CPNE8: variants seen among roughly 807,000 people sequenced by gnomAD.
The protein encoded by CPNE8 is copine-8.
Under a neutral mutation model 81.5 loss-of-function variants are expected in CPNE8, and 45 were observed. That is an observed-to-expected ratio of 0.55 (90% CI 0.44 to 0.71). The LOEUF is 0.71. Among genes scored for constraint, CPNE8 ranks in the 30% least tolerant of loss-of-function variants. The pLI is 0.00. For synonymous variants in CPNE8, 252 were observed against 226.3 expected (o/e 1.11, Z -1.02); for missense variants, 594 against 672.1 (o/e 0.88, Z 1.28).
intron 16 of CPNE8, among the ~76,000 whole-genome samples, chr12:38,679,406 GTTTGT>G (rs1245658903): frequency 9.2e-5 from 14 of 151,942 alleles, no homozygotes; most frequent in Admixed American, 7.9e-4. Context: ...TTTCGCTGAA[GTTTGT>G]TTTATCTTAA....
At chr12:38,700,284 G>A (rs1417827470) in intron 14 of CPNE8, among the ~76,000 whole-genome samples, 1 of 135,158 alleles carries the variant, frequency 7.4e-6, no homozygotes, top group Admixed American at 8.4e-5. Context: ...TGTCACCCAA[G>A]CTGGAGTGCA....
chr12:38,678,117 A>G (rs1237698875), intron 16 of CPNE8, among the ~76,000 whole-genome samples: 2 of 152,056 alleles, frequency 1.3e-5, no homozygotes, highest in Non-Finnish European at 1.5e-5. Context: ...ATGTCATTGA[A>G]TGGTATACGT....
In CPNE8 at chr12:38,829,333, A is replaced by C. The variant is rs538427360; in HGVS notation, c.407+46T>G. ...ACCAATTCCAAACTGACAAAATAGA[A>C]ACTGTTAAAGTTGGCATTTCATTGT... On this transcript the variant is annotated intron_variant, in intron 6 of 19. Coordinates refer to ENST00000331366, the MANE Select transcript of CPNE8 (RefSeq NM_153634.3). 441 of 1,313,402 alleles carry C rather than the reference A, an allele frequency of 3.4e-4. 4 individuals carry two copies. The South Asian group carries it at 4.9e-3, about 15-fold the overall frequency. The allele number at this position is 1,313,402 out of a possible 1,614,324, so 81.4% of individuals were successfully genotyped here.
At chr12:38,834,864 A>G (rs951255322) in intron 5 of CPNE8, among the ~76,000 whole-genome samples, 2 of 151,162 alleles carry the variant, frequency 1.3e-5, no homozygotes, top group African/African-American at 4.9e-5. Context: ...ACTTTCTGTC[A>G]CACCAACATT....
chr12:38,871,739 T>C (rs1020268970), intron 3 of CPNE8, among the ~76,000 whole-genome samples: 23 of 152,306 alleles, frequency 1.5e-4, no homozygotes, highest in African/African-American at 5.5e-4. Flanking sequence ...GTTTCATATT[T>C]TGGCTGGTAG....
At position 38,725,473 on chromosome 12, in the gene CPNE8, T is replaced by C. The variant is rs1940673748; in HGVS notation, c.799-574A>G. On this transcript the variant is annotated intron_variant, in intron 11 of 19. Transcript: ENST00000331366. Reference sequence around the variant, plus strand: ...TGCACCTCTATATTTCATAAGATATTAGGGGATATAGGGAATATTAAGATA... The same window carrying C: ...TGCACCTCTATATTTCATAAGATATCAGGGGATATAGGGAATATTAAGATA... 2.0e-5 allele frequency among the ~76,000 whole-genome samples: 3 copies of C among 152,146 alleles called. No homozygotes were observed. In the South Asian group the frequency reaches 6.2e-4, roughly 32 times the overall value.
At chr12:38,862,453 C>G (rs1943851704) in intron 3 of CPNE8, among the ~76,000 whole-genome samples, 1 of 152,020 alleles carries the variant, frequency 6.6e-6, no homozygotes, top group South Asian at 2.1e-4. Context: ...GGGAAAAAAT[C>G]CTTTATACTA....
chr12:38,887,913 C>A (rs1486878758), intron 1 of CPNE8, among the ~76,000 whole-genome samples: 1 of 152,202 alleles, frequency 6.6e-6, no homozygotes, highest in East Asian at 1.9e-4. Flanking sequence ...GCAGTAACCA[C>A]ATTTCAGCTC....
chr12:38,701,973 T>C (rs534192840), intron 14 of CPNE8, among the ~76,000 whole-genome samples: 1 of 152,320 alleles, frequency 6.6e-6, no homozygotes, highest in Non-Finnish European at 1.5e-5. Flanking sequence ...AGTAAAAATA[T>C]TTCCTGGATC....
At chr12:38,831,018 A>C (rs904453629) in intron 5 of CPNE8, among the ~76,000 whole-genome samples, 2 of 152,200 alleles carry the variant, frequency 1.3e-5, no homozygotes, top group African/African-American at 2.4e-5. Context: ...GGGGGTGAGA[A>C]GTGCCCTAAT....
In CPNE8 at chr12:38,724,826, T is replaced by A. The variant is rs761161347; in HGVS notation, c.852+20A>T. 3 of 1,373,846 alleles carry A rather than the reference T, an allele frequency of 2.2e-6. No homozygotes were observed. The Admixed American group carries it at 5.4e-5, about 25-fold the overall frequency. The allele number at this position is 1,373,846 out of a possible 1,614,324, so 85.1% of individuals were successfully genotyped here. A position where few individuals can be genotyped will look rare whatever the true frequency, so the allele number is the denominator to read the frequency against. ...TTCATTTATTTTAATCTTTAATAAA[T>A]AACATAAAATTTGACTTACTGTTCC... On this transcript the variant is annotated intron_variant, in intron 12 of 19. Coordinates refer to ENST00000331366, the MANE Select transcript of CPNE8 (RefSeq NM_153634.3).
intron 6 of CPNE8, among the ~76,000 whole-genome samples, chr12:38,787,646 T>A (rs1942226354): frequency 6.6e-6 from 1 of 151,128 alleles, no homozygotes; most frequent in African/African-American, 2.4e-5. Flanking sequence ...ATACAAAAGC[T>A]CAATGAAACA....
chr12:38,716,045 G>T (rs190037277), intron 13 of CPNE8, among the ~76,000 whole-genome samples: 59 of 151,854 alleles, frequency 3.9e-4, no homozygotes, highest in Non-Finnish European at 7.4e-4. Context: ...TTTTACAACA[G>T]CTGCAAAAAA....
At chr12:38,798,700 A>T (rs1159050680) in intron 6 of CPNE8, among the ~76,000 whole-genome samples, 1 of 152,158 alleles carries the variant, frequency 6.6e-6, no homozygotes, top group Non-Finnish European at 1.5e-5. Context: ...ACATAACAAT[A>T]TTAACTTTAA....
intron 11 of CPNE8, among the ~76,000 whole-genome samples, chr12:38,728,504 AT>A (rs1053367059): frequency 6.6e-6 from 1 of 152,152 alleles, no homozygotes; most frequent in Non-Finnish European, 1.5e-5. Context: ...ATAATCAGTA[AT>A]TTTGAAGATT....
In CPNE8 at chr12:38,730,405, G is replaced by T. The variant is rs200828820; in HGVS notation, c.723-47C>A. 252 of 1,081,734 alleles carry T rather than the reference G, an allele frequency of 2.3e-4. 2 individuals are homozygous for T. The African/African-American group carries it at 3.3e-3, about 14-fold the overall frequency. 67.0% of individuals were successfully genotyped at this position (1,081,734 alleles called of 1,614,324 possible). A position where few individuals can be genotyped will look rare whatever the true frequency, so the allele number is the denominator to read the frequency against. Reference sequence around the variant, plus strand: ...ACATAATATTGGCTTTCATATATTTGTCAACTGTATTTTAAAGTTTTTAGA... The same window carrying T: ...ACATAATATTGGCTTTCATATATTTTTCAACTGTATTTTAAAGTTTTTAGA... On this transcript the variant is annotated intron_variant, in intron 10 of 19. Coordinates refer to ENST00000331366, the MANE Select transcript of CPNE8 (RefSeq NM_153634.3).
At chr12:38,830,620 C>G (rs1943270436) in intron 5 of CPNE8, among the ~76,000 whole-genome samples, 1 of 152,070 alleles carries the variant, frequency 6.6e-6, no homozygotes, top group African/African-American at 2.4e-5. Flanking sequence ...TGAACACGAC[C>G]AAGAAAATTC....
chr12:38,665,521 T>C (rs1939043213), intron 19 of CPNE8, among the ~76,000 whole-genome samples: 1 of 152,178 alleles, frequency 6.6e-6, no homozygotes, highest in Non-Finnish European at 1.5e-5. Context: ...TGAATTCATT[T>C]GGGCAAATGG....
intron 10 of CPNE8, among the ~76,000 whole-genome samples, chr12:38,734,020 C>CCTT (rs10645865): frequency 0.55 from 83,211 of 151,056 alleles, 23,408 homozygotes; most frequent in East Asian, 0.8. Context: ...TGCTTCATTC[C>CCTT]CTTTTTTGCT....
Sources: allele counts gnomAD v4.1 joint callset (sites outside exome capture counted in the v4.1 genomes callset), GRCh38; gene constraint gnomAD v4.1.1; transcripts MANE v1.5; gene names NCBI Gene and HGNC (gene_info 2026-07-23, HGNC 2026-07-21).